The following TENM2 variants were observed in gnomAD, a reference collection of about 807,000 sequenced individuals.
TENM2 encodes teneurin transmembrane protein 2.
A neutral mutation model predicts 245.2 loss-of-function variants in TENM2; 52 were observed. The observed-to-expected ratio is 0.21, with a 90% CI of 0.17 to 0.27. The LOEUF (loss-of-function observed/expected upper bound fraction) is 0.27. TENM2 is among the 10% of genes least tolerant of loss of function. The pLI is 1.00. For synonymous variants in TENM2, 1,363 were observed against 1,438.9 expected (o/e 0.95, Z 1.19); for missense variants, 3,046 against 3,666.8 (o/e 0.83, Z 4.37).
At chr5:167,850,627 A>G (rs1165661345) in intron 2 of TENM2, among the ~76,000 whole-genome samples, 1 of 152,228 alleles carries the variant, frequency 6.6e-6, no homozygotes. Context: ...TTCTGAGAGT[A>G]AGCAAAGCAA....
chr5:167,405,169 TA>T (rs2127392922), intron 2 of TENM2, among the ~76,000 whole-genome samples: 2 of 152,310 alleles, frequency 1.3e-5, no homozygotes, highest in South Asian at 4.1e-4. Flanking sequence ...ATAGCATGTT[TA>T]TTTTTTTTCA....
chr5:168,005,021 G>C (rs1214777747), intron 5 of TENM2, among the ~76,000 whole-genome samples: 1 of 152,122 alleles, frequency 6.6e-6, no homozygotes, highest in African/African-American at 2.4e-5. Flanking sequence ...AAGGTCTCAT[G>C]AACTCTGCCA....
intron 2 of TENM2, among the ~76,000 whole-genome samples, chr5:167,574,828 G>C (rs954270536): frequency 7.2e-5 from 11 of 152,090 alleles, no homozygotes; most frequent in African/African-American, 2.7e-4. Context: ...GATTTTCATT[G>C]TACGTAGCTT....
At chr5:167,469,609 C>A (rs1383654180) in intron 2 of TENM2, among the ~76,000 whole-genome samples, 1 of 152,094 alleles carries the variant, frequency 6.6e-6, no homozygotes, top group Non-Finnish European at 1.5e-5. Context: ...TTTAATGAGT[C>A]ATTAGCCATT....
rs750351497 is a variant in TENM2 at position 167,926,718 on chromosome 5, CCACACACA to C, written c.713-25831_713-25824del. ...GCCTGGGTGACAGAGTGAGATTCCA[CCACACACA>C]CACACACACACACACACACACACAC... On this transcript the variant is annotated intron_variant, in intron 3 of 28. Coordinates refer to ENST00000518659, the Ensembl canonical transcript of TENM2. 3.6e-3 allele frequency among the ~76,000 whole-genome samples: 493 copies of C among 136,810 alleles called. 2 individuals carry two copies. The highest frequency in any genetic ancestry group is 0.019 in the South Asian group (75 of 3,940). The allele number at this position is 136,810 out of a possible 152,430, so 89.8% of individuals were successfully genotyped here.
the TENM2 span, among the ~76,000 whole-genome samples, chr5:167,053,799 A>G: frequency 6.6e-6 from 1 of 152,172 alleles, no homozygotes; most frequent in Non-Finnish European, 1.5e-5. Flanking sequence ...TAGCCACCTC[A>G]TTATTATATA....
intron 2 of TENM2, among the ~76,000 whole-genome samples, chr5:167,575,507 T>C (rs1774590245): frequency 6.6e-6 from 1 of 152,128 alleles, no homozygotes; most frequent in South Asian, 2.1e-4. Context: ...ATGTCTCGCG[T>C]TTGCCAGACC....
At chr5:168,261,984 T>C (rs1335512952) in intron 28 of TENM2, 65 bp from the exon 31 acceptor site, 4 of 1,499,568 alleles carry the variant, frequency 2.7e-6, no homozygotes, top group Non-Finnish European at 3.6e-6. Context: ...TTTCTCTTTG[T>C]GACTCTTTTT....
intron 19 of TENM2, 123 bp downstream of exon 21, chr5:168,204,744 C>A: frequency 7.9e-7 from 1 of 1,269,832 alleles, no homozygotes; most frequent in Non-Finnish European, 1.1e-6. Context: ...TGATCCAAAA[C>A]CTAGGCCCAG....
At chr5:167,005,150 A>G in the TENM2 span, among the ~76,000 whole-genome samples, 10 of 152,190 alleles carry the variant, frequency 6.6e-5, no homozygotes, top group Non-Finnish European at 1.3e-4. Flanking sequence ...CCAAGGGAAT[A>G]TAGTATGGAT....
chr5:167,194,136 G>A, the TENM2 span, among the ~76,000 whole-genome samples: 1 of 151,886 alleles, frequency 6.6e-6, no homozygotes, highest in South Asian at 2.1e-4. Flanking sequence ...CTCGTAATGA[G>A]GCCATAACAG....
At chr5:167,532,804 T>TTG (rs1181577752) in intron 2 of TENM2, among the ~76,000 whole-genome samples, 50 of 120,892 alleles carry the variant, frequency 4.1e-4, no homozygotes, top group African/African-American at 1.7e-3. Flanking sequence ...ACATATATAT[T>TTG]TGTGTGTATG....
chr5:167,634,494 T>TTGA (rs1779070013), intron 2 of TENM2, among the ~76,000 whole-genome samples: 1 of 151,328 alleles, frequency 6.6e-6, no homozygotes, highest in Non-Finnish European at 1.5e-5. Flanking sequence ...TTTTTTTTTT[T>TTGA]GAGAGAGAGA....
At chr5:167,364,038 T>C (rs1759888533) in intron 1 of TENM2, among the ~76,000 whole-genome samples, 1 of 151,840 alleles carries the variant, frequency 6.6e-6, no homozygotes, top group Admixed American at 6.6e-5. Context: ...AGCAACAGAC[T>C]GCACAGAGAG....
chr5:167,972,005 T>C (rs1781832624), intron 4 of TENM2, among the ~76,000 whole-genome samples: 1 of 152,240 alleles, frequency 6.6e-6, no homozygotes, highest in African/African-American at 2.4e-5. Context: ...TTAGGGAATG[T>C]TGGTGCCTAC....
chr5:167,939,533 AAC>A, intron 3 of TENM2, among the ~76,000 whole-genome samples: 1 of 152,352 alleles, frequency 6.6e-6, no homozygotes, highest in African/African-American at 2.4e-5. Context: ...AGAAGCTTAT[AAC>A]AATTTAGTGG....
At chr5:167,013,661 C>T in the TENM2 span, among the ~76,000 whole-genome samples, 2 of 151,968 alleles carry the variant, frequency 1.3e-5, no homozygotes, top group Non-Finnish European at 2.9e-5. Context: ...GAACCAAGAT[C>T]GCACCACTGC....
chr5:167,380,077 A>T (rs961495621), intron 2 of TENM2, among the ~76,000 whole-genome samples: 1 of 152,084 alleles, frequency 6.6e-6, no homozygotes, highest in Non-Finnish European at 1.5e-5. Context: ...TCATGGATTT[A>T]AAAAAACGAA....
intron 2 of TENM2, among the ~76,000 whole-genome samples, chr5:167,724,631 G>C (rs1759864304): frequency 6.6e-6 from 1 of 152,154 alleles, no homozygotes; most frequent in African/African-American, 2.4e-5. Context: ...AAATGAAATA[G>C]AAAGGGAAGA....
Sources: gnomAD v4.1 joint callset for allele counts (sites outside exome capture counted in the v4.1 genomes callset) on GRCh38, gnomAD v4.1.1 for gene constraint, MANE v1.5 for transcripts, NCBI Gene and HGNC (gene_info 2026-07-23, HGNC 2026-07-21) for gene names.